RNLS: variants seen among roughly 807,000 people sequenced by gnomAD.
RNLS encodes renalase.
A neutral mutation model predicts 39.8 loss-of-function variants in RNLS; 39 were observed. The observed-to-expected ratio is 0.98, with a 90% CI of 0.76 to 1.28. The LOEUF is 1.28. Ranked by LOEUF, RNLS falls within the 50% of genes most tolerant of loss-of-function variation. The probability of loss-of-function intolerance (pLI) is 0.00; values close to 1 mark genes in which losing one functional copy is unlikely to be tolerated. For missense variants in RNLS, 410 were observed against 413.3 expected (o/e 0.99, Z 0.07); for synonymous variants, 147 against 150.7 (o/e 0.98, Z 0.18).
intron 4 of RNLS, among the ~76,000 whole-genome samples, chr10:88,513,027 T>C (rs980754853): frequency 2.0e-5 from 3 of 152,142 alleles, no homozygotes; most frequent in African/African-American, 4.8e-5. Flanking sequence ...ATAAGTATTA[T>C]GTTTTTAAAC....
At chr10:88,447,683 A>G (rs1842123683) in intron 4 of RNLS, among the ~76,000 whole-genome samples, 3 of 152,226 alleles carry the variant, frequency 2.0e-5, no homozygotes, top group African/African-American at 7.2e-5. Flanking sequence ...GGAACCAAAA[A>G]AGAGCCCGCA....
chr10:88,176,926 C>A, the RNLS span, among the ~76,000 whole-genome samples: 1 of 152,184 alleles, frequency 6.6e-6, no homozygotes, highest in Non-Finnish European at 1.5e-5. Flanking sequence ...TTCATTCTTT[C>A]CTGGCCTCTA....
At chr10:88,272,246 G>A (rs1842670329), downstream of RNLS, among the ~76,000 whole-genome samples, 2 of 152,244 alleles carry the variant, frequency 1.3e-5, no homozygotes. Flanking sequence ...GTGGCCCAGG[G>A]CACAGAAACA....
Position 88,310,824 on chromosome 10 carries a change from A to AAAAAAAAAAAAAAAAAAAAAAAAAAAAG in RNLS, c.876+3641_876+3642insCTTTTTTTTTTTTTTTTTTTTTTTTTTT, listed in dbSNP as rs1217903555. ...GCCAAAAAAAAAAAAAAAAAAAAAAAAAAGAAAGAAAAGGAAGAGAAAAGG... is the reference window on the plus strand; with the variant it reads ...GCCAAAAAAAAAAAAAAAAAAAAAAAAAAAAAAAAAAAAAAAAAAAAAAAAAAGAAAGAAAGAAAAGGAAGAGAAAAGG... On this transcript the variant is annotated intron_variant, in intron 6 of 6. Transcript: ENST00000331772. Among the ~76,000 whole-genome samples the AAAAAAAAAAAAAAAAAAAAAAAAAAAAG allele has an allele frequency of 1.4e-3, 156 of 113,412 alleles. 11 individuals are homozygous for AAAAAAAAAAAAAAAAAAAAAAAAAAAAG. Among genetic ancestry groups the AAAAAAAAAAAAAAAAAAAAAAAAAAAAG allele is most frequent in the Non-Finnish European group, 2.1e-3 (110 of 52,414 alleles). The allele number at this position is 113,412 out of a possible 152,430, so 74.4% of individuals were successfully genotyped here. A position where few individuals can be genotyped will look rare whatever the true frequency, so the allele number is the denominator to read the frequency against.
At chr10:88,570,963 C>CTT (rs1179336519) in intron 4 of RNLS, among the ~76,000 whole-genome samples, 3 of 96,782 alleles carry the variant, frequency 3.1e-5, no homozygotes, top group South Asian at 7.9e-4. Context: ...GTTGTATATT[C>CTT]TTTTTTTTTT....
At chr10:88,204,661 C>A in the RNLS span, among the ~76,000 whole-genome samples, 1 of 152,150 alleles carries the variant, frequency 6.6e-6, no homozygotes, top group East Asian at 1.9e-4. Flanking sequence ...TTATTATCTT[C>A]TCCCCGTACA....
chr10:88,357,157 C>A (rs534105681), intron 5 of RNLS, among the ~76,000 whole-genome samples: 2 of 152,310 alleles, frequency 1.3e-5, no homozygotes, highest in South Asian at 2.1e-4. Flanking sequence ...AAATGCCACA[C>A]AAAGTCTTCA....
the RNLS span, among the ~76,000 whole-genome samples, chr10:88,245,636 CT>C: frequency 3.3e-5 from 5 of 151,980 alleles, no homozygotes; most frequent in African/African-American, 1.2e-4. Flanking sequence ...TTTTCTTTTT[CT>C]TTTCATTTTT....
the RNLS span, among the ~76,000 whole-genome samples, chr10:88,264,165 G>T: frequency 2.2e-4 from 34 of 152,190 alleles, no homozygotes; most frequent in Admixed American, 1.2e-3. Context: ...TCCTTTTTAT[G>T]GCTGAGTAGT....
chr10:88,550,313 A>G (rs1197853191), intron 4 of RNLS, among the ~76,000 whole-genome samples: 2 of 152,188 alleles, frequency 1.3e-5, no homozygotes, highest in Non-Finnish European at 2.9e-5. Context: ...TTTTCCTTCA[A>G]TGTAACTTAT....
intron 4 of RNLS, among the ~76,000 whole-genome samples, chr10:88,514,894 C>T (rs1034685137): frequency 1.5e-4 from 23 of 152,080 alleles, no homozygotes; most frequent in Non-Finnish European, 1.0e-4. Flanking sequence ...GGGATATATA[C>T]TCAGAAGCGG....
chr10:88,546,667 G>A (rs549902709), intron 4 of RNLS, among the ~76,000 whole-genome samples: 43 of 152,208 alleles, frequency 2.8e-4, no homozygotes, highest in African/African-American at 8.4e-4. Context: ...CTTCGTGTGA[G>A]GGAAAAATAG....
chr10:88,369,570 C>T (rs1850380813), intron 4 of RNLS, among the ~76,000 whole-genome samples: 1 of 152,138 alleles, frequency 6.6e-6, no homozygotes, highest in Admixed American at 6.5e-5. Flanking sequence ...CTTCCCTCAC[C>T]CATTTAGGCC....
chr10:88,204,379 G>A, the RNLS span, among the ~76,000 whole-genome samples: 1 of 152,124 alleles, frequency 6.6e-6, no homozygotes, highest in South Asian at 2.1e-4. Flanking sequence ...TTCGTGTCTT[G>A]TATGCAGTTG....
At chr10:88,496,312 T>C (rs1160682310) in intron 4 of RNLS, among the ~76,000 whole-genome samples, 2 of 152,140 alleles carry the variant, frequency 1.3e-5, no homozygotes, top group South Asian at 4.1e-4. Flanking sequence ...GATTATATTA[T>C]GAGAAAAGAA....
chr10:88,196,593 C>A, the RNLS span, among the ~76,000 whole-genome samples: 1 of 152,248 alleles, frequency 6.6e-6, no homozygotes, highest in African/African-American at 2.4e-5. Context: ...TAAGAGGCAT[C>A]ATTTCTCTCT....
intron 4 of RNLS, among the ~76,000 whole-genome samples, chr10:88,373,536 C>CA (rs775496254): frequency 1.3e-5 from 2 of 152,086 alleles, no homozygotes; most frequent in Non-Finnish European, 2.9e-5. Context: ...TCATAACTAA[C>CA]AAAAATCTCA....
chr10:88,376,506 T>C (rs1413382914), intron 4 of RNLS, among the ~76,000 whole-genome samples: 1 of 152,200 alleles, frequency 6.6e-6, no homozygotes, highest in East Asian at 1.9e-4. Flanking sequence ...GCATTAGCAA[T>C]TGCAAATGAA....
At chr10:88,422,761 C>A (rs1384650365) in intron 4 of RNLS, among the ~76,000 whole-genome samples, 1 of 150,278 alleles carries the variant, frequency 6.7e-6, no homozygotes, top group East Asian at 1.9e-4. Context: ...ATTAGATGGC[C>A]CTTTTTTTTT....
Sources: gnomAD v4.1 joint callset for allele counts (sites outside exome capture counted in the v4.1 genomes callset) on GRCh38, gnomAD v4.1.1 for gene constraint, MANE v1.5 for transcripts, NCBI Gene and HGNC (gene_info 2026-07-23, HGNC 2026-07-21) for gene names.